THSD7B: variants seen among roughly 807,000 people sequenced by gnomAD.
THSD7B encodes the protein thrombospondin type-1 domain-containing protein 7B.
Under a neutral mutation model 213.6 loss-of-function variants are expected in THSD7B, and 138 were observed. That is an observed-to-expected ratio of 0.65 (90% CI 0.56 to 0.74). The LOEUF is 0.74. THSD7B is among the 30% of genes least tolerant of loss of function. The probability of loss-of-function intolerance (pLI) is 0.00; values close to 1 mark genes in which losing one functional copy is unlikely to be tolerated. For missense variants in THSD7B, 1,931 were observed against 1,991.5 expected (o/e 0.97, Z 0.58); for synonymous variants, 742 against 687.0 (o/e 1.08, Z -1.25).
Position 137,656,848 on chromosome 2 carries a change from C to A in THSD7B, c.4158C>A (p.Cys1386Ter). Reference protein sequence around the residue: ...WSEWSTCELTCIDGRSFETVG... With the variant: ...WSEWSTCELT ...AGTGGAGCACATGTGAATTAACCTG[C>A]ATTGATGGAAGAAGCTTTGAGACTG... Residue 1386 changes from cysteine to a stop codon, truncating the protein, a stop_gained, in exon 23 of 28, where the codon TGC becomes TGA. Transcript: ENST00000409968. LOFTEE classifies it high-confidence loss of function. 1.2e-6 allele frequency: 2 copies of A among 1,613,974 alleles called. No homozygotes were observed. The highest frequency in any genetic ancestry group is 1.7e-6 in the Non-Finnish European group (2 of 1,179,882).
intron 7 of THSD7B, among the ~76,000 whole-genome samples, chr2:137,194,356 G>C (rs1446787765): frequency 1.3e-5 from 2 of 152,208 alleles, no homozygotes; most frequent in African/African-American, 4.8e-5. Flanking sequence ...ACTTCCCTGT[G>C]TATGGTATTG....
intron 10 of THSD7B, among the ~76,000 whole-genome samples, chr2:137,271,462 A>AAT (rs1295286558): frequency 2.0e-4 from 29 of 144,350 alleles, no homozygotes; most frequent in African/African-American, 7.1e-4. Flanking sequence ...TATAATATAT[A>AAT]ATATAATATA....
At chr2:136,983,023 T>C (rs1027520914) in intron 2 of THSD7B, among the ~76,000 whole-genome samples, 2 of 152,020 alleles carry the variant, frequency 1.3e-5, no homozygotes, top group Non-Finnish European at 2.9e-5. Context: ...TCAACATGTG[T>C]ACTGAGAAGT....
At chr2:137,429,152 T>C (rs183710993) in intron 14 of THSD7B, among the ~76,000 whole-genome samples, 1 of 152,194 alleles carries the variant, frequency 6.6e-6, no homozygotes, top group East Asian at 1.9e-4. Context: ...GGTTAGTGGT[T>C]GCTTAGGACT....
chr2:137,401,617 G>T (rs114264501), intron 12 of THSD7B, among the ~76,000 whole-genome samples: 1 of 149,632 alleles, frequency 6.7e-6, no homozygotes, highest in Admixed American at 6.7e-5. Context: ...TGTAGCTGCT[G>T]AGTTTTTTCT....
chr2:137,065,541 A>G (rs889830301), intron 3 of THSD7B, among the ~76,000 whole-genome samples: 1 of 151,970 alleles, frequency 6.6e-6, no homozygotes, highest in Non-Finnish European at 1.5e-5. Context: ...GTTAAATAGC[A>G]GTGGTGGCAG....
intron 14 of THSD7B, among the ~76,000 whole-genome samples, chr2:137,437,374 G>T (rs1687317153): frequency 6.6e-6 from 1 of 152,194 alleles, no homozygotes; most frequent in Non-Finnish European, 1.5e-5. Context: ...TGCCCTCACT[G>T]CTCCAAGTTC....
intron 1 of THSD7B, among the ~76,000 whole-genome samples, chr2:136,879,171 G>A (rs1402402620): frequency 6.6e-6 from 1 of 152,088 alleles, no homozygotes; most frequent in African/African-American, 2.4e-5. Flanking sequence ...TATTAAATAG[G>A]GAATCCTTTC....
At chr2:137,408,215 A>G (rs1013899797) in intron 13 of THSD7B, among the ~76,000 whole-genome samples, 1 of 152,148 alleles carries the variant, frequency 6.6e-6, no homozygotes, top group Non-Finnish European at 1.5e-5. Flanking sequence ...GAGGCAGCAT[A>G]TATTTGTACA....
chr2:137,572,038 G>GA (rs1681365064), intron 16 of THSD7B, among the ~76,000 whole-genome samples: 1 of 152,204 alleles, frequency 6.6e-6, no homozygotes, highest in Non-Finnish European at 1.5e-5. Context: ...TTTATTCAGA[G>GA]AAGGAGAGCC....
rs551184382 is a variant in THSD7B, at chr2:137,316,471, T to C, written c.2500+40445T>C. ...ACAAGTGAATCATCTAAATAAGAAC[T>C]AACTGCTGTTAAGAAAAGGTGAGGC... On this transcript the variant is annotated intron_variant, in intron 12 of 27. Transcript: ENST00000409968. Among the ~76,000 whole-genome samples the C allele has an allele frequency of 5.3e-5, 8 of 152,316 alleles. No homozygotes were observed. The East Asian group carries it at 1.4e-3, about 26-fold the overall frequency.
At chr2:136,941,253 C>A (rs999520230) in intron 2 of THSD7B, among the ~76,000 whole-genome samples, 1 of 152,172 alleles carries the variant, frequency 6.6e-6, no homozygotes. Flanking sequence ...TCCAGTCTAT[C>A]ACTGATGGAC....
intron 5 of THSD7B, among the ~76,000 whole-genome samples, chr2:137,133,663 T>C (rs190566150): frequency 8.1e-4 from 124 of 152,302 alleles, no homozygotes; most frequent in Admixed American, 4.8e-3. Flanking sequence ...GAATGACATA[T>C]GTAATTTTAA....
chr2:137,546,455 T>TAA (rs1491145044), intron 15 of THSD7B, among the ~76,000 whole-genome samples: 289 of 19,698 alleles, frequency 0.015, 31 homozygotes, highest in Middle Eastern at 0.024. Flanking sequence ...TATATATATA[T>TAA]TATATATAAT....
intron 7 of THSD7B, among the ~76,000 whole-genome samples, chr2:137,208,845 A>T (rs1178625334): frequency 6.6e-6 from 1 of 152,058 alleles, no homozygotes; most frequent in Non-Finnish European, 1.5e-5. Flanking sequence ...AAAACATCTC[A>T]AAAGGCTAAT....
chr2:137,283,332 C>T (rs1176360730), intron 12 of THSD7B, among the ~76,000 whole-genome samples: 1 of 152,158 alleles, frequency 6.6e-6, no homozygotes, highest in African/African-American at 2.4e-5. Context: ...TCTAGTTATA[C>T]AATCGTGTCA....
At chr2:137,147,909 G>T (rs1221555362) in intron 5 of THSD7B, among the ~76,000 whole-genome samples, 1 of 151,792 alleles carries the variant, frequency 6.6e-6, no homozygotes, top group Non-Finnish European at 1.5e-5. Flanking sequence ...TTGATCATTT[G>T]CCTTACTGAC....
intron 27 of THSD7B, among the ~76,000 whole-genome samples, chr2:137,674,680 A>T (rs1453850415): frequency 2.0e-5 from 3 of 152,208 alleles, no homozygotes; most frequent in Non-Finnish European, 4.4e-5. Flanking sequence ...CAGGAAATTG[A>T]AGGCTGAAGC....
intron 9 of THSD7B, among the ~76,000 whole-genome samples, chr2:137,233,700 A>G (rs1219202332): frequency 6.6e-6 from 1 of 152,254 alleles, no homozygotes; most frequent in Non-Finnish European, 1.5e-5. Flanking sequence ...AAACTAGGAT[A>G]TAGATGTCAA....
Sources: gnomAD v4.1 joint callset for allele counts (sites outside exome capture counted in the v4.1 genomes callset) on GRCh38, gnomAD v4.1.1 for gene constraint, MANE v1.5 for transcripts, NCBI Gene and HGNC (gene_info 2026-07-23, HGNC 2026-07-21) for gene names.